The following CSMD1 variants were observed in gnomAD, a reference collection of about 807,000 sequenced individuals.
CSMD1 encodes CUB and Sushi multiple domains 1, also known as CUB and sushi domain-containing protein 1.
In CSMD1, 213 loss-of-function variants were observed where a neutral mutation model predicts 417.5. The ratio of observed to expected loss-of-function variants is 0.51; its 90% CI spans 0.46 to 0.57. CSMD1 has a LOEUF of 0.57. Ranked by LOEUF, CSMD1 falls within the 20% of genes least tolerant of loss-of-function variation. The probability of loss-of-function intolerance (pLI) is 0.00; values close to 1 mark genes in which losing one functional copy is unlikely to be tolerated. For synonymous variants in CSMD1, 2,862 were observed against 1,736.8 expected, an observed-to-expected ratio of 1.65 and a Z score of -16.11; for missense variants, 6,923 against 4,529.7, an observed-to-expected ratio of 1.53 and a Z score of -15.17.
chr8:4,084,057 C>G (rs1280838896), intron 3 of CSMD1, among the ~76,000 whole-genome samples: 3 of 152,086 alleles, frequency 2.0e-5, no homozygotes, highest in South Asian at 2.1e-4. Context: ...ATTAGTAGAT[C>G]AAATGCATCA....
At chr8:4,145,813 A>T (rs1453765307) in intron 3 of CSMD1, among the ~76,000 whole-genome samples, 1 of 151,148 alleles carries the variant, frequency 6.6e-6, no homozygotes, top group Non-Finnish European at 1.5e-5. Context: ...TGAGGAATGC[A>T]AGGGTTGGAA....
intron 7 of CSMD1, among the ~76,000 whole-genome samples, chr8:3,619,338 C>T (rs960469949): frequency 2.0e-5 from 3 of 152,092 alleles, no homozygotes; most frequent in African/African-American, 7.2e-5. Flanking sequence ...CTACCGTGTT[C>T]TGCAAACATG....
At chr8:3,608,651 C>A (rs142145103) in intron 8 of CSMD1, among the ~76,000 whole-genome samples, 2,704 of 151,636 alleles carry the variant, frequency 0.018, 79 homozygotes, top group African/African-American at 0.061. Flanking sequence ...GTAATCCCAG[C>A]TACTCAGGAG....
Position 4,145,975 on chromosome 8 carries a change from G to C in CSMD1, c.416-113876C>G, listed in dbSNP as rs1232642311. ...TTTCTTGTTACCGCTGTCATTTGTA[G>C]ACAGGGTGCAAATTTTGTACCCTGC... is the stretch of plus-strand genomic sequence containing the variant. On this transcript the variant is annotated intron_variant, in intron 3 of 69. Transcript: ENST00000635120. 2.6e-5 allele frequency among the ~76,000 whole-genome samples: 4 copies of C among 150,982 alleles called. 1 individual carries two copies. Among genetic ancestry groups the C allele is most frequent in the African/African-American group, 9.9e-5 (4 of 40,378 alleles).
intron 5 of CSMD1, among the ~76,000 whole-genome samples, chr8:3,824,798 C>A (rs1801958412): frequency 6.6e-6 from 1 of 152,024 alleles, no homozygotes; most frequent in African/African-American, 2.4e-5. Context: ...GTTCTAAGGT[C>A]TAAACTGATG....
At chr8:3,884,563 G>A (rs1185817601) in intron 5 of CSMD1, among the ~76,000 whole-genome samples, 2 of 152,146 alleles carry the variant, frequency 1.3e-5, no homozygotes, top group Non-Finnish European at 2.9e-5. Flanking sequence ...ACCTGGGTGT[G>A]GAATTGCACA....
intron 3 of CSMD1, among the ~76,000 whole-genome samples, chr8:4,052,070 G>A (rs1798461409): frequency 6.6e-6 from 1 of 151,864 alleles, no homozygotes; most frequent in East Asian, 1.9e-4. Flanking sequence ...CAAGTAGCCG[G>A]GACTAAATAC....
At chr8:3,987,578 T>C (rs551098771) in intron 5 of CSMD1, among the ~76,000 whole-genome samples, 28 of 152,314 alleles carry the variant, frequency 1.8e-4, no homozygotes, top group Non-Finnish European at 3.7e-4. Flanking sequence ...ACACCATTTT[T>C]AATTCCTCGT....
At chr8:4,183,369 C>A (rs1258788522) in intron 3 of CSMD1, among the ~76,000 whole-genome samples, 1 of 152,124 alleles carries the variant, frequency 6.6e-6, no homozygotes, top group African/African-American at 2.4e-5. Flanking sequence ...TAAATGGTAA[C>A]TTCTTCTTTC....
intron 3 of CSMD1, among the ~76,000 whole-genome samples, chr8:4,216,823 A>T (rs1714719): frequency 1 from 152,150 of 152,352 alleles, 75,974 homozygotes; most frequent in Middle Eastern, 1. Context: ...CACAAGAAAG[A>T]GGTAAACATG....
intron 62 of CSMD1, among the ~76,000 whole-genome samples, chr8:2,960,471 C>G (rs1803360158): frequency 6.6e-6 from 1 of 152,188 alleles, no homozygotes; most frequent in South Asian, 2.1e-4. Flanking sequence ...AACCAGATAA[C>G]AGTGAAGTTA....
intron 3 of CSMD1, among the ~76,000 whole-genome samples, chr8:4,058,599 C>A (rs902804889): frequency 1.3e-5 from 2 of 151,296 alleles, no homozygotes; most frequent in South Asian, 4.2e-4. Context: ...GGAGGAAGAT[C>A]TACCAAGCAA....
At chr8:4,324,471 C>T (rs1050094961) in intron 3 of CSMD1, among the ~76,000 whole-genome samples, 1 of 152,178 alleles carries the variant, frequency 6.6e-6, no homozygotes, top group African/African-American at 2.4e-5. Flanking sequence ...AGCTTCTTTT[C>T]TGAAATCTTC....
intron 5 of CSMD1, among the ~76,000 whole-genome samples, chr8:3,848,799 T>C (rs1451741488): frequency 6.6e-6 from 1 of 152,070 alleles, no homozygotes; most frequent in African/African-American, 2.4e-5. Context: ...AAAAAATGAT[T>C]AGCAGCGATT....
At chr8:4,189,942 C>G (rs4086674) in intron 3 of CSMD1, among the ~76,000 whole-genome samples, 119,200 of 151,546 alleles carry the variant, frequency 0.79, 47,120 homozygotes, top group South Asian at 0.86. Context: ...TTCTAAAAAG[C>G]AGAGAGCATA....
At chr8:4,396,495 T>C (rs1322064566) in intron 3 of CSMD1, among the ~76,000 whole-genome samples, 1 of 152,024 alleles carries the variant, frequency 6.6e-6, no homozygotes, top group Non-Finnish European at 1.5e-5. Context: ...TTGCACTGGA[T>C]TTATCGATTG....
At chr8:4,297,576 T>G (rs1797755178) in intron 3 of CSMD1, among the ~76,000 whole-genome samples, 1 of 152,186 alleles carries the variant, frequency 6.6e-6, no homozygotes, top group African/African-American at 2.4e-5. Context: ...GTTATTTTAA[T>G]TTTAGATGTT....
intron 5 of CSMD1, among the ~76,000 whole-genome samples, chr8:3,827,106 G>C (rs911094130): frequency 6.6e-6 from 1 of 152,086 alleles, no homozygotes; most frequent in Non-Finnish European, 1.5e-5. Context: ...CTCTATTTTA[G>C]ATGTAAAAAC....
chr8:3,504,927 C>G (rs531485240), intron 10 of CSMD1, among the ~76,000 whole-genome samples: 2 of 151,620 alleles, frequency 1.3e-5, no homozygotes, highest in Non-Finnish European at 2.9e-5. Flanking sequence ...GTGAAATGGG[C>G]AGAGATAGAA....
Sources: allele counts gnomAD v4.1 joint callset (sites outside exome capture counted in the v4.1 genomes callset), GRCh38; gene constraint gnomAD v4.1.1; transcripts MANE v1.5; gene names NCBI Gene and HGNC (gene_info 2026-07-23, HGNC 2026-07-21).